Variants in ARHGAP24 observed in about 807,000 individuals in gnomAD.
ARHGAP24 encodes rho GTPase-activating protein 24.
A neutral mutation model predicts 76.4 loss-of-function variants in ARHGAP24; 50 were observed. The observed-to-expected ratio is 0.65, with a 90% confidence interval of 0.52 to 0.83. ARHGAP24 has a LOEUF of 0.83. Among genes scored for constraint, ARHGAP24 ranks in the 40% least tolerant of loss-of-function variants. The pLI, the probability that ARHGAP24 is intolerant of heterozygous loss-of-function variation, is 0.00. For synonymous variants in ARHGAP24, 345 were observed against 323.3 expected, an observed-to-expected ratio of 1.07 and a Z score of -0.72; for missense variants, 930 against 914.2, an observed-to-expected ratio of 1.02 and a Z score of -0.22.
chr4:85,738,444 T>C (rs6531863), intron 3 of ARHGAP24, among the ~76,000 whole-genome samples: 23,135 of 148,870 alleles, frequency 0.16, 2,231 homozygotes, highest in East Asian at 0.36. Flanking sequence ...AAGAGTTCTT[T>C]ATATAGTCTA....
At chr4:85,761,334 C>T (rs903349468) in intron 3 of ARHGAP24, among the ~76,000 whole-genome samples, 1 of 152,160 alleles carries the variant, frequency 6.6e-6, no homozygotes, top group Non-Finnish European at 1.5e-5. Flanking sequence ...TCTTTAGTTT[C>T]ACTGTGGACT....
At chr4:85,671,837 C>T (rs1412774539) in intron 2 of ARHGAP24, among the ~76,000 whole-genome samples, 1 of 152,146 alleles carries the variant, frequency 6.6e-6, no homozygotes, top group Non-Finnish European at 1.5e-5. Context: ...TACAAATGTA[C>T]TATTGGACAC....
intron 5 of ARHGAP24, among the ~76,000 whole-genome samples, chr4:85,965,753 G>C (rs1738559510): frequency 6.6e-6 from 1 of 152,260 alleles, no homozygotes; most frequent in African/African-American, 2.4e-5. Flanking sequence ...AAGTTTTCAG[G>C]TAATTCCAGT....
chr4:85,622,270 C>T lies in ARHGAP24; in HGVS notation c.180+51549C>T, dbSNP rs7666977. Among the ~76,000 whole-genome samples, 242 of 122,700 alleles carry T rather than the reference C, an allele frequency of 2.0e-3. 1 individual carries two copies. Among genetic ancestry groups the T allele is most frequent in the African/African-American group, 6.4e-3 (218 of 33,878 alleles). The allele number at this position is 122,700 out of a possible 152,430, so 80.5% of individuals were successfully genotyped here. On this transcript the variant is annotated intron_variant, in intron 2 of 9. Coordinates refer to ENST00000395184, the MANE Select transcript of ARHGAP24 (RefSeq NM_001025616.3). ...CCCTCCCCCCACCCCAAACAGTCCC[C>T]GGTGTGTGATGTTCCCCTTCCTGTG...
chr4:85,879,816 C>A (rs553267244), intron 3 of ARHGAP24, among the ~76,000 whole-genome samples: 31 of 152,054 alleles, frequency 2.0e-4, no homozygotes, highest in African/African-American at 7.5e-4. Context: ...CACCAGGGAC[C>A]AGTGCCTTGA....
intron 3 of ARHGAP24, among the ~76,000 whole-genome samples, chr4:85,852,430 C>T (rs895780690): frequency 3.3e-5 from 5 of 152,064 alleles, no homozygotes; most frequent in African/African-American, 1.2e-4. Context: ...TTTTTACCGA[C>T]CTTCTGAAGC....
At chr4:85,893,665 C>G (rs1245216054) in intron 3 of ARHGAP24, among the ~76,000 whole-genome samples, 4 of 129,520 alleles carry the variant, frequency 3.1e-5, no homozygotes, top group Middle Eastern at 3.7e-3. Context: ...AAATTCTTTT[C>G]TTTAAGAATG....
chr4:85,721,904 G>C lies in ARHGAP24; in HGVS notation c.200G>C (p.Gly67Ala), dbSNP rs144785317. 1 of 1,613,408 alleles carries C rather than the reference G, an allele frequency of 6.2e-7. No individual in the cohort carries two copies. Among genetic ancestry groups the C allele is most frequent in the African/African-American group, 1.3e-5 (1 of 74,978 alleles). Reference sequence around the variant, plus strand: ...TCACAGGGTACTATTTTTCTGCCTGGAAATAAAGTTTCTGAGCATCCCTGC... The same window carrying C: ...TCACAGGGTACTATTTTTCTGCCTGCAAATAAAGTTTCTGAGCATCCCTGC... ...TKPLGTIFLP[G>A]NKVSEHPCNE... Residue 67 changes from glycine (G) to alanine (A), a missense_variant, in exon 3 of 10, where the codon GGA becomes GCA. Physicochemically the swap from Gly to Ala is moderately conservative, Grantham distance 60 (BLOSUM62 0). Transcript: ENST00000395184.
At chr4:85,653,830 T>C (rs1252346668) in intron 2 of ARHGAP24, among the ~76,000 whole-genome samples, 1 of 152,172 alleles carries the variant, frequency 6.6e-6, no homozygotes, top group African/African-American at 2.4e-5. Flanking sequence ...ATGCTCAATA[T>C]GTTGAATAGC....
intron 2 of ARHGAP24, among the ~76,000 whole-genome samples, chr4:85,573,253 CT>C (rs1727212725): frequency 6.6e-6 from 1 of 152,108 alleles, no homozygotes; most frequent in African/African-American, 2.4e-5. Flanking sequence ...TAACATTGAG[CT>C]TTTTAATGTT....
intron 1 of ARHGAP24, among the ~76,000 whole-genome samples, chr4:85,532,748 A>G (rs573120999): frequency 6.6e-6 from 1 of 152,308 alleles, no homozygotes; most frequent in Non-Finnish European, 1.5e-5. Context: ...ATCTTGCTGC[A>G]TGAAAACAAA....
At chr4:85,718,093 G>A (rs1578167845) in intron 2 of ARHGAP24, among the ~76,000 whole-genome samples, 1 of 152,144 alleles carries the variant, frequency 6.6e-6, no homozygotes, top group East Asian at 1.9e-4. Context: ...TTAGGTATTT[G>A]CCCTAAAGGA....
At chr4:85,636,108 C>T (rs1721298817) in intron 2 of ARHGAP24, among the ~76,000 whole-genome samples, 1 of 151,734 alleles carries the variant, frequency 6.6e-6, no homozygotes, top group Non-Finnish European at 1.5e-5. Flanking sequence ...GCCTTATTCT[C>T]CTTGATTTCC....
chr4:85,814,781 G>C (rs1729165711), intron 3 of ARHGAP24, among the ~76,000 whole-genome samples: 1 of 152,096 alleles, frequency 6.6e-6, no homozygotes, highest in Admixed American at 6.5e-5. Context: ...TCTTCTCATA[G>C]CTCCACTAGG....
At chr4:85,963,997 T>C (rs1738423339) in intron 5 of ARHGAP24, among the ~76,000 whole-genome samples, 1 of 152,102 alleles carries the variant, frequency 6.6e-6, no homozygotes, top group South Asian at 2.1e-4. Context: ...ACAGGCTTGA[T>C]ATCAGGAAGA....
chr4:85,874,839 T>TA (rs1491074582), intron 3 of ARHGAP24, among the ~76,000 whole-genome samples: 1 of 8,224 alleles, frequency 1.2e-4, no homozygotes, highest in Non-Finnish European at 2.3e-4. Context: ...ATAAAATATA[T>TA]TTTTATATAA....
rs554701412 is a variant in ARHGAP24 at position 85,789,386 on chromosome 4, A to T, written c.268+67414A>T. On this transcript the variant is annotated intron_variant, in intron 3 of 9. Coordinates refer to ENST00000395184, the MANE Select transcript of ARHGAP24 (RefSeq NM_001025616.3). ...AGACTTTTTCTTTTTCTTTTTTTTT[A>T]AAGAGAGAATCAGTCCGCAGGTTGG... 5.3e-5 allele frequency among the ~76,000 whole-genome samples: 8 copies of T among 151,618 alleles called. No individual in the cohort carries two copies. In the South Asian group the frequency reaches 1.7e-3, roughly 31 times the overall value.
intron 3 of ARHGAP24, among the ~76,000 whole-genome samples, chr4:85,874,903 T>A (rs1237072834): frequency 9.9e-6 from 1 of 100,916 alleles, no homozygotes; most frequent in African/African-American, 4.1e-5. Flanking sequence ...TTTTATATAA[T>A]TTATATATAA....
chr4:85,964,434 A>T (rs1309384884), intron 5 of ARHGAP24, among the ~76,000 whole-genome samples: 1 of 152,152 alleles, frequency 6.6e-6, no homozygotes, highest in Non-Finnish European at 1.5e-5. Context: ...GATAGATATT[A>T]TGTAGTCTTG....
Sources: gnomAD v4.1 joint callset for allele counts (sites outside exome capture counted in the v4.1 genomes callset) on GRCh38, gnomAD v4.1.1 for gene constraint, MANE v1.5 for transcripts, NCBI Gene and HGNC (gene_info 2026-07-23, HGNC 2026-07-21) for gene names.